Variants in KRT81 observed in about 807,000 individuals in gnomAD.
The protein encoded by KRT81 is keratin 81.
Under a neutral mutation model 35.8 loss-of-function variants are expected in KRT81, and 35 were observed. That is an observed-to-expected ratio of 0.98 (90% CI 0.75 to 1.30). The LOEUF (loss-of-function observed/expected upper bound fraction) is 1.30, where lower values mean the gene tolerates loss of function less well. Ranked by LOEUF, KRT81 falls within the 50% of genes most tolerant of loss-of-function variation. The probability of loss-of-function intolerance (pLI) is 0.00; values close to 1 mark genes in which losing one functional copy is unlikely to be tolerated. For missense variants in KRT81, 531 were observed against 577.4 expected, an observed-to-expected ratio of 0.92 and a Z score of 0.82; for synonymous variants, 249 against 251.2, an observed-to-expected ratio of 0.99 and a Z score of 0.08.
At position 52,286,771 on chromosome 12, in the gene KRT81, A is replaced by G. The variant is rs1376077135; in HGVS notation, c.1279+20T>C. On this transcript the variant is annotated intron_variant, in intron 8 of 8. Transcript: ENST00000327741. The stretch of plus-strand genomic sequence containing the variant: ...ACAGGTAGTTAGTAAATCTGTCCAC[A>G]CTGGACCCCAAATACTCACAGACAT... 3 of 1,613,052 alleles carry G rather than the reference A, an allele frequency of 1.9e-6. No homozygotes were observed. Among genetic ancestry groups the G allele is most frequent in the Admixed American group, 3.3e-5 (2 of 59,990 alleles).
chr12:52,287,804 A>G (rs748654897), intron 5 of KRT81, 83 bp from the exon 6 acceptor site: 342 of 1,612,208 alleles, frequency 2.1e-4, no homozygotes, highest in Middle Eastern at 9.9e-4. Flanking sequence ...TGCAGGTTGT[A>G]CAGTGCTCAG....
At position 52,288,025 on chromosome 12, in the gene KRT81, T is replaced by G. The variant is rs1938013660; in HGVS notation, c.859A>C (p.Thr287Pro). ...GACTCGGCCTCGGCCCGGCTGCGGG[T>G]GACAATGTCGTCATACTGTGCCTTA... ...EIKAQYDDIV[T>P]RSRAEAESWY... Residue 287 changes from threonine to proline, a missense_variant, in exon 5 of 9, where the codon ACC becomes CCC. Thr to Pro is a conservative substitution (Grantham distance 38). Around this residue, in one of 5 missense-constraint regions of KRT81, gnomAD observed 194 missense variants for 198.2 expected, o/e 0.98. Coordinates refer to ENST00000327741, the MANE Select transcript of KRT81 (RefSeq NM_002281.4). 12 of 1,614,104 alleles carry G rather than the reference T, an allele frequency of 7.4e-6. No individual in the cohort carries two copies. The highest frequency in any genetic ancestry group is 9.3e-6 in the Non-Finnish European group (11 of 1,180,022).
Position 52,286,345 on chromosome 12 carries a change from G to T in KRT81, c.1428C>A (p.Thr476=), listed in dbSNP as rs528988173. The T allele has an allele frequency of 3.2e-6, 5 of 1,555,186 alleles. No homozygotes were observed. In the East Asian group the frequency reaches 1.2e-4, roughly 38 times the overall value. The change falls in exon 9 of 9, where the codon ACC becomes ACA. Residue 476 remains threonine, a synonymous_variant. Coordinates refer to ENST00000327741, the MANE Select transcript of KRT81 (RefSeq NM_002281.4). ...GLCAPCGQLN[T]TCGGGSCGVG... is the part of the protein sequence containing the mutation. ...CGCCGCAGGAACCCCCTCCGCAGGT[G>T]GTGTTCAATTGGCCGCAGGGCGCAC...
Position 52,286,294 on chromosome 12 carries a change from C to A in KRT81, c.1479G>T (p.Leu493=), listed in dbSNP as rs377741143. The change falls in exon 9 of 9, where the codon CTG becomes CTT. Residue 493 remains leucine (L), a synonymous_variant. Transcript: ENST00000327741. ...AGCTGCTGCCGCAAGACCCCACACC[C>A]AGGGAGCTGATACCACAGGAGCCCA... The part of the protein sequence containing the change: ...CGVGSCGISS[L]GVGSCGSSCR... 4.2e-5 allele frequency: 66 copies of A among 1,554,384 alleles called. No individual in the cohort carries two copies. Among genetic ancestry groups the A allele is most frequent in the Non-Finnish European group, 5.7e-5 (66 of 1,148,578 alleles).
At chr12:52,287,776 G>A in intron 5 of KRT81, 55 bp from the exon 6 acceptor site, 3 of 1,613,910 alleles carry the variant, frequency 1.9e-6, no homozygotes, top group Non-Finnish European at 2.5e-6. Flanking sequence ...CATCCATTCA[G>A]GACACCACAG....
Position 52,287,599 on chromosome 12 carries a change from G to C in KRT81, c.1023C>G (p.Cys341Trp). 6.2e-7 allele frequency: 1 copy of C among 1,613,912 alleles called. No homozygotes were observed. The highest frequency in any genetic ancestry group is 8.5e-7 in the Non-Finnish European group (1 of 1,179,846). The change falls in exon 6 of 9, where the codon TGC (cysteine) becomes TGG (tryptophan). Residue 341 changes from cysteine to tryptophan, a missense_variant. Physicochemically the swap from Cys to Trp is radical, Grantham distance 215. Around this residue, in one of 5 missense-constraint regions of KRT81, gnomAD observed 49 missense variants for 87.8 expected, o/e 0.56. Coordinates refer to ENST00000327741, the MANE Select transcript of KRT81 (RefSeq NM_002281.4). ...CTTGCGCACAGATGCCCCATACCTGGCACTTGGCATTCTCCACCTCGGCCG... is the reference window on the plus strand; with the variant it reads ...CTTGCGCACAGATGCCCCATACCTGCCACTTGGCATTCTCCACCTCGGCCG... Reference protein sequence around the residue: ...RLTAEVENAKCQNSKLEAAVA... With the variant: ...RLTAEVENAKWQNSKLEAAVA...
chr12:52,285,930 T>C lies in KRT81; in HGVS notation c.*325A>G, dbSNP rs568720615. 4.5e-4 allele frequency: 185 copies of C among 411,272 alleles called. 1 individual carries two copies. The Middle Eastern group carries it at 5.6e-3, about 12-fold the overall frequency. 25.5% of individuals were successfully genotyped at this position (411,272 alleles called of 1,614,324 possible). ...GACCCAGGTTGGCTACATTAATTTATTGAAACACAGATCAAGAGCAGAGGA... is the reference window on the plus strand; with the variant it reads ...GACCCAGGTTGGCTACATTAATTTACTGAAACACAGATCAAGAGCAGAGGA... On this transcript the variant is annotated 3_prime_UTR_variant, in exon 9 of 9. Coordinates refer to ENST00000327741, the MANE Select transcript of KRT81 (RefSeq NM_002281.4).
At position 52,287,591 on chromosome 12, in the gene KRT81, C is replaced by G; in HGVS notation, c.1026+5G>C. The G allele has an allele frequency of 6.2e-7, 1 of 1,613,932 alleles. No individual in the cohort carries two copies. Among genetic ancestry groups the G allele is most frequent in the Non-Finnish European group, 8.5e-7 (1 of 1,179,846 alleles). On this transcript the variant is annotated splice_donor_5th_base_variant and intron_variant, in intron 6 of 8. Transcript: ENST00000327741. ...TCTCTGACCTTGCGCACAGATGCCC[C>G]ATACCTGGCACTTGGCATTCTCCAC...
Position 52,291,458 on chromosome 12 carries a change from CA to C in KRT81, c.7del (p.Cys3AlafsTer100), listed in dbSNP as rs770423410. 6.2e-7 allele frequency: 1 copy of C among 1,612,922 alleles called. No homozygotes were observed. The highest frequency in any genetic ancestry group is 1.1e-5 in the South Asian group (1 of 90,940). On this transcript the variant is annotated frameshift_variant, in exon 1 of 9. Transcript: ENST00000327741. LOFTEE classifies it high-confidence loss of function. Reference protein sequence around the residue: MTCGSGFGGRAFS... With the variant: MTXGSGFGGRAFS... Reference sequence around the variant, plus strand: ...GGCGCGCCCACCAAATCCTGATCCGCAGGTCATGATCCTCCTGGACGTTTGG... The same window carrying C: ...GGCGCGCCCACCAAATCCTGATCCGCGGTCATGATCCTCCTGGACGTTTGG...
chr12:52,285,962 G>GGAGA lies in KRT81; in HGVS notation c.*289_*292dup. 1 of 487,058 alleles carries GGAGA rather than the reference G, an allele frequency of 2.1e-6. No homozygotes were observed. Among genetic ancestry groups the GGAGA allele is most frequent in the Non-Finnish European group, 3.8e-6 (1 of 266,658 alleles). 30.2% of individuals were successfully genotyped at this position (487,058 alleles called of 1,614,324 possible). On this transcript the variant is annotated 3_prime_UTR_variant, in exon 9 of 9. Coordinates refer to ENST00000327741, the MANE Select transcript of KRT81 (RefSeq NM_002281.4). ...ACAGATCAAGAGCAGAGGAGGAAGG[G>GGAGA]GAGAGGCAGGAAGGCAGTTGCCGTG...
chr12:52,287,905 G>A (rs1231474145), intron 5 of KRT81, 79 bp downstream of exon 5: 4 of 1,612,110 alleles, frequency 2.5e-6, no homozygotes, highest in Non-Finnish European at 3.4e-6. Context: ...AGCATCCCCA[G>A]AAAAGGAAGC....
At position 52,286,255 on chromosome 12, in the gene KRT81, C is replaced by T; in HGVS notation, c.1518G>A (p.Ter506=). 6.4e-7 allele frequency: 1 copy of T among 1,553,894 alleles called. No homozygotes were observed. The highest frequency in any genetic ancestry group is 1.9e-5 in the Admixed American group (1 of 51,378). The part of the protein sequence containing the change: ...GSCGSSCRKC[*] ...GGGCCTGGGACTTGAGTTGGGGTGCCTAACATTTCCGGCAGCTGCTGCCGC... is the reference window on the plus strand; with the variant it reads ...GGGCCTGGGACTTGAGTTGGGGTGCTTAACATTTCCGGCAGCTGCTGCCGC... Residue 506 remains the stop codon, a stop_retained_variant, in exon 9 of 9, where the codon TAG becomes TAA. Coordinates refer to ENST00000327741, the MANE Select transcript of KRT81 (RefSeq NM_002281.4).
At position 52,288,149 on chromosome 12, in the gene KRT81, C is replaced by T. The variant is rs567295944; in HGVS notation, c.736-1G>A. 3 of 1,614,090 alleles carry T rather than the reference C, an allele frequency of 1.9e-6. No homozygotes were observed. In the African/African-American group the frequency reaches 4.0e-5, roughly 22 times the overall value. On this transcript the variant is annotated splice_acceptor_variant, in intron 4 of 8. Transcript: ENST00000327741. LOFTEE classifies it high-confidence loss of function. Reference sequence around the variant, plus strand: ...TGTGCGACTGGAGAATGAGGATCTCCTGCAGGAGGTGAGGGCAGTGACTTT... The same window carrying T: ...TGTGCGACTGGAGAATGAGGATCTCTTGCAGGAGGTGAGGGCAGTGACTTT...
Position 52,288,310 on chromosome 12 carries a change from A to T in KRT81, c.735+51T>A, listed in dbSNP as rs143949946. On this transcript the variant is annotated intron_variant, in intron 4 of 8. Coordinates refer to ENST00000327741, the MANE Select transcript of KRT81 (RefSeq NM_002281.4). ...ATCCTGTCCAACACTCCCACCCCCA[A>T]CTCTCCTCTCTGCTGGCTGCCAGGT... The T allele has an allele frequency of 4.8e-4, 774 of 1,608,774 alleles. 1 individual carries two copies. The African/African-American group carries it at 7.5e-3, about 16-fold the overall frequency.
chr12:52,286,485 T>G lies in KRT81; in HGVS notation c.1288A>C (p.Ser430Arg). 1 of 1,552,370 alleles carries G rather than the reference T, an allele frequency of 6.4e-7. No individual in the cohort carries two copies. Residue 430 changes from serine to arginine, a missense_variant, in exon 9 of 9, where the codon AGC (serine) becomes CGC (arginine). Transcript: ENST00000327741. ...CCGCACACGACCCCGCCCCGGGAGC[T>G]GCTGACACCTGTGAACCCCGAAGGC... ...GIGAVNVCVS[S>R]SRGGVVCGDL...
chr12:52,288,658 G>A (rs138154804), intron 3 of KRT81, among the ~76,000 whole-genome samples: 281 of 152,116 alleles, frequency 1.8e-3, no homozygotes, highest in African/African-American at 6.6e-3. Context: ...CCTTGACCAT[G>A]CCTCACCAGC....
At position 52,288,085 on chromosome 12, in the gene KRT81, G is replaced by C. The variant is rs754179104; in HGVS notation, c.799C>G (p.Arg267Gly). Residue 267 changes from arginine to glycine, a missense_variant, in exon 5 of 9, where the codon CGG (arginine) becomes GGG (glycine). Transcript: ENST00000327741. Reference protein sequence around the residue: ...TSVVVKLDNSRDLNMDCIIAE... With the variant: ...TSVVVKLDNSGDLNMDCIIAE... The stretch of plus-strand genomic sequence containing the variant: ...ATGATGCAGTCCATGTTCAGGTCCC[G>C]GCTGTTGTCCAGCTTGACAACCACG... 6.2e-7 allele frequency: 1 copy of C among 1,613,972 alleles called. No individual in the cohort carries two copies. Among genetic ancestry groups the C allele is most frequent in the Non-Finnish European group, 8.5e-7 (1 of 1,180,024 alleles).
At chr12:52,288,854 C>T (rs558829124) in intron 3 of KRT81, among the ~76,000 whole-genome samples, 1 of 151,942 alleles carries the variant, frequency 6.6e-6, no homozygotes, top group South Asian at 2.1e-4. Flanking sequence ...GTGTCTCTGC[C>T]TCAAGGTCAG....
intron 6 of KRT81, 124 bp downstream of exon 6, chr12:52,287,472 C>G (rs1937984820): frequency 1.3e-6 from 2 of 1,592,242 alleles, no homozygotes; most frequent in Admixed American, 1.7e-5. Flanking sequence ...AGACCACGAC[C>G]AGGGACTCTA....
Sources: gnomAD v4.1 joint callset for allele counts (sites outside exome capture counted in the v4.1 genomes callset) on GRCh38, gnomAD v4.1.1 for gene constraint, gnomAD v4.1.1 regional missense constraint, MANE v1.5 for transcripts, NCBI Gene and HGNC (gene_info 2026-07-23, HGNC 2026-07-21) for gene names.